The following AP1G2 variants were observed in gnomAD, a reference collection of about 807,000 sequenced individuals.
AP1G2 encodes the protein AP-1 complex subunit gamma-like 2.
Under a neutral mutation model 95.8 loss-of-function variants are expected in AP1G2, and 85 were observed. The observed-to-expected ratio is 0.89, with a 90% CI of 0.74 to 1.06. The LOEUF (loss-of-function observed/expected upper bound fraction) is 1.06. Ranked by LOEUF, AP1G2 falls within the 50% of genes least tolerant of loss-of-function variation. The probability of loss-of-function intolerance (pLI) is 0.00; values close to 1 mark genes in which losing one functional copy is unlikely to be tolerated. For synonymous variants in AP1G2, 378 were observed against 400.0 expected (o/e 0.94, Z 0.66); for missense variants, 967 against 1,005.8 (o/e 0.96, Z 0.52).
In AP1G2 at chr14:23,562,190, G is replaced by T; in HGVS notation, c.1628+98C>A. The T allele has an allele frequency of 5.0e-6, 8 of 1,593,444 alleles. No individual in the cohort carries two copies. The South Asian group carries it at 7.8e-5, about 16-fold the overall frequency. On this transcript the variant is annotated intron_variant, in intron 16 of 21. Transcript: ENST00000397120. ...TCAAAAACAAGAACCTAAGGGCTAG[G>T]GGGTAGGGAGGGCTGGGCATGTATG... is the stretch of plus-strand genomic sequence containing the variant.
At chr14:23,564,719 T>A in intron 8 of AP1G2, 59 bp from the exon 9 acceptor site, 1 of 1,492,328 alleles carries the variant, frequency 6.7e-7, no homozygotes, top group Non-Finnish European at 9.3e-7. Context: ...CTCCTTTTTT[T>A]GATACAGGGT....
chr14:23,561,266 C>CT (rs1459903582), intron 19 of AP1G2, 30 bp downstream of exon 19: 1 of 1,517,628 alleles, frequency 6.6e-7, no homozygotes, highest in Admixed American at 2.2e-5. Context: ...CCTACCTTCT[C>CT]TAAGACATCT....
chr14:23,560,540 A>G (rs560424751), intron 19 of AP1G2, 122 bp from the exon 20 acceptor site: 2 of 1,032,288 alleles, frequency 1.9e-6, no homozygotes, highest in East Asian at 2.7e-5. Flanking sequence ...CTAGTAACAA[A>G]GTAGACATGT....
Position 23,567,642 on chromosome 14 carries a change from C to A in AP1G2, c.-6+97G>T. 1 of 1,101,744 alleles carries A rather than the reference C, an allele frequency of 9.1e-7. No individual in the cohort carries two copies. The highest frequency in any genetic ancestry group is 3.3e-5 in the South Asian group (1 of 30,526). The allele number at this position is 1,101,744 out of a possible 1,614,324, so 68.2% of individuals were successfully genotyped here. On this transcript the variant is annotated intron_variant, in intron 1 of 21. Transcript: ENST00000397120. This position sits in a 1 kb window ranked among gnomAD's most constrained non-coding sequence, Gnocchi z 5.3. The stretch of plus-strand genomic sequence containing the variant: ...CAGCCATTGCTTTTTTTTCCACGAC[C>A]CTCCGCTGTTTCTTCCGCGAGCTTC...
intron 20 of AP1G2, 45 bp from the exon 21 acceptor site, chr14:23,560,081 G>T (rs1188127849): frequency 2.1e-6 from 3 of 1,453,526 alleles, no homozygotes; most frequent in East Asian, 2.3e-5. Context: ...AGTAGGTAGG[G>T]CTCAGGCAGC....
rs376968278 is a variant in AP1G2 at position 23,562,023 on chromosome 14, C to T, written c.1672G>A (p.Val558Met). The part of the protein sequence containing the change: ...VVSIYGSCLD[V>M]ELQQRAVEYD... ...TCCACAGCCCGCTGCTGCAGCTCCA[C>T]GTCCAAGCAGCTCCCGTAGATGGAC... The change falls in exon 17 of 22, where the codon GTG (valine) becomes ATG (methionine). Residue 558 changes from valine (V) to methionine (M), a missense_variant. Physicochemically the swap from Val to Met is conservative, Grantham distance 21. Transcript: ENST00000397120. 32 of 1,613,580 alleles carry T rather than the reference C, an allele frequency of 2.0e-5. No individual in the cohort carries two copies. The highest frequency in any genetic ancestry group is 1.2e-4 in the African/African-American group (9 of 74,890).
Position 23,559,699 on chromosome 14 carries a change from C to T in AP1G2, c.*50G>A, listed in dbSNP as rs1490785794. ...AGGTGTAGGTTCGAAGCTGCTGGGGCCCCCTGGGGTTTGGGACACAGGAGA... is the reference window on the plus strand; with the variant it reads ...AGGTGTAGGTTCGAAGCTGCTGGGGTCCCCTGGGGTTTGGGACACAGGAGA... On this transcript the variant is annotated 3_prime_UTR_variant, in exon 22 of 22. Coordinates refer to ENST00000397120, the MANE Select transcript of AP1G2 (RefSeq NM_003917.5). 7 of 1,575,248 alleles carry T rather than the reference C, an allele frequency of 4.4e-6. No homozygotes were observed. The South Asian group carries it at 4.5e-5, about 10-fold the overall frequency.
chr14:23,562,527 A>G lies in AP1G2; in HGVS notation c.1477T>C (p.Cys493Arg). 1 of 1,614,208 alleles carries G rather than the reference A, an allele frequency of 6.2e-7. No individual in the cohort carries two copies. Among genetic ancestry groups the G allele is most frequent in the Non-Finnish European group, 8.5e-7 (1 of 1,180,024 alleles). The change falls in exon 15 of 22, where the codon TGC becomes CGC. Residue 493 changes from cysteine (C) to arginine (R), a missense_variant. Coordinates refer to ENST00000397120, the MANE Select transcript of AP1G2 (RefSeq NM_003917.5). ...EYGDLLLAGN[C>R]EEIEPLQVDE... Reference sequence around the variant, plus strand: ...ACCTGAAGGGGCTCAATCTCCTCGCAGTTCCCTGCCAGCAGGAGGTCCCCA... The same window carrying G: ...ACCTGAAGGGGCTCAATCTCCTCGCGGTTCCCTGCCAGCAGGAGGTCCCCA...
Position 23,562,757 on chromosome 14 carries a change from AGAG to A in AP1G2, c.1411-167_1411-165del, listed in dbSNP as rs373310537. 2.4e-3 allele frequency: 1,294 copies of A among 536,908 alleles called. 8 individuals carry two copies. Among genetic ancestry groups the A allele is most frequent in the East Asian group, 2.5e-3 (49 of 19,240 alleles). The allele number at this position is 536,908 out of a possible 1,614,324, so 33.3% of individuals were successfully genotyped here. A position where few individuals can be genotyped will look rare whatever the true frequency, so the allele number is the denominator to read the frequency against. ...CCCCATCTCTATTTTAAAAAAAAAA[AGAG>A]AGAGAGAGAAAGAAAGAAACACTGC... On this transcript the variant is annotated intron_variant, in intron 14 of 21. Transcript: ENST00000397120.
intron 19 of AP1G2, 143 bp from the exon 20 acceptor site, chr14:23,560,561 G>A: frequency 2.4e-6 from 2 of 825,986 alleles, no homozygotes; most frequent in Non-Finnish European, 3.6e-6. Flanking sequence ...AGATGAGGAT[G>A]GAGCTTACTG....
Position 23,562,590 on chromosome 14 carries a change from G to A in AP1G2, c.1414C>T (p.Pro472Ser), listed in dbSNP as rs772017884. Residue 472 changes from proline (P) to serine (S), a missense_variant, in exon 15 of 22, where the codon CCA (proline) becomes TCA (serine). By Grantham distance (74) the Pro-to-Ser change is moderately conservative. Transcript: ENST00000397120. ...CACCAGGCTGCCACCTGCACCAGTG[G>A]TTGCTACATGGGATAAGAAACTGCT... is the stretch of plus-strand genomic sequence containing the variant. ...NALAEDISQQ[P>S]LVQVAAWCIG... 6.2e-7 allele frequency: 1 copy of A among 1,613,782 alleles called. No homozygotes were observed. Among genetic ancestry groups the A allele is most frequent in the African/African-American group, 1.3e-5 (1 of 75,038 alleles).
intron 16 of AP1G2, 94 bp from the exon 17 acceptor site, chr14:23,562,160 T>C (rs1263579069): frequency 5.0e-6 from 8 of 1,592,630 alleles, no homozygotes; most frequent in Non-Finnish European, 6.9e-6. Flanking sequence ...ATACCCAGAT[T>C]TGGCTCAAAA....
At position 23,566,267 on chromosome 14, in the gene AP1G2, C is replaced by G. The variant is rs367618345; in HGVS notation, c.471+11G>C. 4 of 1,613,272 alleles carry G rather than the reference C, an allele frequency of 2.5e-6. No individual in the cohort carries two copies. The highest frequency in any genetic ancestry group is 3.4e-6 in the Non-Finnish European group (4 of 1,179,736). On this transcript the variant is annotated intron_variant, in intron 4 of 21. Coordinates refer to ENST00000397120, the MANE Select transcript of AP1G2 (RefSeq NM_003917.5). Reference sequence around the variant, plus strand: ...GTGCAGGAGCACGTGCCAGGAGTCCCGCCATCTCACCTTCTTGCGCACGTA... The same window carrying G: ...GTGCAGGAGCACGTGCCAGGAGTCCGGCCATCTCACCTTCTTGCGCACGTA...
chr14:23,560,183 C>T (rs568396537), intron 20 of AP1G2, 72 bp downstream of exon 20: 141 of 1,566,980 alleles, frequency 9.0e-5, no homozygotes, highest in Admixed American at 4.1e-4. Flanking sequence ...CTGTCTCCCA[C>T]CCACCTCCTC....
intron 9 of AP1G2, 47 bp downstream of exon 9, chr14:23,564,515 T>C (rs746865061): frequency 6.2e-7 from 1 of 1,603,074 alleles, no homozygotes. Flanking sequence ...CCTGTGTGGG[T>C]GAGGTGGTGG....
chr14:23,565,314 ACCT>A (rs1887299534), intron 7 of AP1G2, 115 bp from the exon 8 acceptor site: 2 of 1,050,190 alleles, frequency 1.9e-6, no homozygotes, highest in Non-Finnish European at 2.8e-6. Context: ...GCCTTCCCCC[ACCT>A]CCTCACCTCC....
In AP1G2 at chr14:23,559,814, G is replaced by A; in HGVS notation, c.2293C>T (p.His765Tyr). 1 of 1,614,154 alleles carries A rather than the reference G, an allele frequency of 6.2e-7. No homozygotes were observed. Among genetic ancestry groups the A allele is most frequent in the South Asian group, 1.1e-5 (1 of 91,076 alleles). ...ATCTCCTGCACCGACTGGTGAAAGT[G>A]GTCGTAGGTGAGGCGCAGCTTTAGC... ...LRLKLRLTYD[H>Y]FHQSVQEIFE... Residue 765 changes from histidine (H) to tyrosine (Y), a missense_variant, in exon 22 of 22, where the codon CAC (histidine) becomes TAC (tyrosine). His to Tyr is a moderately conservative substitution (Grantham distance 83). Coordinates refer to ENST00000397120, the MANE Select transcript of AP1G2 (RefSeq NM_003917.5).
chr14:23,567,296 T>C lies in AP1G2; in HGVS notation c.19A>G (p.Lys7Glu), dbSNP rs1888518556. MVVPSLKLQDLIEEIRG... is the reference protein window; with the variant it reads MVVPSLELQDLIEEIRG... ...ATCTCTTCGATGAGGTCCTGAAGCT[T>C]CAGCGAAGGCACCACCATCCTGACT... is the stretch of plus-strand genomic sequence containing the variant. Residue 7 changes from lysine (K) to glutamate (E), a missense_variant, in exon 2 of 22, where the codon AAG becomes GAG. Physicochemically the swap from Lys to Glu is moderately conservative, Grantham distance 56 (BLOSUM62 1). Transcript: ENST00000397120. The surrounding 1 kb of genome is among the most constrained non-coding windows in gnomAD (Gnocchi z 5.3). The C allele has an allele frequency of 6.2e-7, 1 of 1,612,732 alleles. No individual in the cohort carries two copies. The highest frequency in any genetic ancestry group is 1.7e-5 in the Admixed American group (1 of 59,584).
In AP1G2 at chr14:23,567,783, T is replaced by C; in HGVS notation, c.-50A>G. 1 of 1,002,120 alleles carries C rather than the reference T, an allele frequency of 1.0e-6. No individual in the cohort carries two copies. 62.1% of individuals were successfully genotyped at this position (1,002,120 alleles called of 1,614,324 possible). A position where few individuals can be genotyped will look rare whatever the true frequency, so the allele number is the denominator to read the frequency against. On this transcript the variant is annotated 5_prime_UTR_variant, in exon 1 of 22. Transcript: ENST00000397120. This position sits in a 1 kb window ranked among gnomAD's most constrained non-coding sequence, Gnocchi z 5.3. ...CGCTCCTCTGCCCCCCAGCGCTTCC[T>C]GGTACGGGGCCGAGCAGGGGTTGGT...
Sources: allele counts gnomAD v4.1 joint callset, GRCh38; gene constraint gnomAD v4.1.1; non-coding constraint Gnocchi (gnomAD v3.1); transcripts MANE v1.5; gene names NCBI Gene and HGNC (gene_info 2026-07-23, HGNC 2026-07-21).